The following STX8 variants were observed in gnomAD, a reference collection of about 807,000 sequenced individuals.
STX8 encodes the protein syntaxin-8.
STX8 carries 23 observed loss-of-function variants against 37.5 expected under a neutral mutation model. That is an observed-to-expected ratio of 0.61 (90% CI 0.44 to 0.87). The LOEUF (loss-of-function observed/expected upper bound fraction) is 0.87. Ranked by LOEUF, STX8 falls within the 40% of genes least tolerant of loss-of-function variation. The probability of loss-of-function intolerance (pLI) is 0.00; values close to 1 mark genes in which losing one functional copy is unlikely to be tolerated. For synonymous variants in STX8, 115 were observed against 99.1 expected, an observed-to-expected ratio of 1.16 and a Z score of -0.95; for missense variants, 313 against 284.7, an observed-to-expected ratio of 1.10 and a Z score of -0.71.
intron 6 of STX8, among the ~76,000 whole-genome samples, chr17:9,430,798 C>T (rs375105704): frequency 5.3e-5 from 8 of 151,960 alleles, no homozygotes; most frequent in Non-Finnish European, 1.2e-4. Context: ...TACAGGCGAC[C>T]GCCACCATGC....
chr17:9,375,331 A>G (rs555396719), intron 7 of STX8, among the ~76,000 whole-genome samples: 2 of 152,204 alleles, frequency 1.3e-5, no homozygotes, highest in Non-Finnish European at 2.9e-5. Context: ...AGTCCAGCTC[A>G]GAAGACATTA....
chr17:9,492,013 T>A, intron 5 of STX8, 92 bp from the exon 6 acceptor site: 1 of 821,508 alleles, frequency 1.2e-6, no homozygotes, highest in Non-Finnish European at 1.8e-6. Flanking sequence ...CAAGTTGACA[T>A]ATAAATCAGT....
At position 9,507,038 on chromosome 17, in the gene STX8, A is replaced by T; in HGVS notation, c.324-1876T>A. 6.6e-6 allele frequency among the ~76,000 whole-genome samples: 1 copy of T among 151,918 alleles called. No homozygotes were observed. Among genetic ancestry groups the T allele is most frequent in the Admixed American group, 6.6e-5 (1 of 15,254 alleles). On this transcript the variant is annotated intron_variant, in intron 4 of 7. Transcript: ENST00000306357. This position sits in a 1 kb window ranked among gnomAD's most constrained non-coding sequence, Gnocchi z 4.0. ...CACCCTCTGCACTTTCAGCCACAGA[A>T]ACAGTCCCACCCAGGGCAAACCCAC... is the stretch of plus-strand genomic sequence containing the variant.
At chr17:9,527,654 G>A (rs1905631460) in intron 4 of STX8, among the ~76,000 whole-genome samples, 1 of 151,920 alleles carries the variant, frequency 6.6e-6, no homozygotes, top group African/African-American at 2.4e-5. Context: ...AGTAGTTAAG[G>A]GCTGCAATTC....
chr17:9,505,319 G>C (rs1904783613), intron 4 of STX8, among the ~76,000 whole-genome samples, 157 bp from the exon 5 acceptor site: 1 of 152,188 alleles, frequency 6.6e-6, no homozygotes, highest in Non-Finnish European at 1.5e-5. Context: ...ACTGTATTCA[G>C]TGCTGGACGA....
chr17:9,371,411 T>A (rs1911396810), intron 7 of STX8, among the ~76,000 whole-genome samples: 1 of 152,188 alleles, frequency 6.6e-6, no homozygotes, highest in South Asian at 2.1e-4. Context: ...ATAGTTAAAG[T>A]ACACCTTGCT....
chr17:9,388,931 T>C (rs1039607565), intron 6 of STX8, among the ~76,000 whole-genome samples: 1 of 152,230 alleles, frequency 6.6e-6, no homozygotes, highest in Non-Finnish European at 1.5e-5. Context: ...TAATTTCTCA[T>C]GGTTACAAAA....
intron 7 of STX8, among the ~76,000 whole-genome samples, chr17:9,356,959 A>ATTTTTTTTTTTTTTTT (rs1468764432): frequency 1.3e-5 from 1 of 77,458 alleles, no homozygotes; most frequent in African/African-American, 4.5e-5. Flanking sequence ...TCCTTTTAAC[A>ATTTTTTTTTTTTTTTT]GTTTTTTTTT....
At chr17:9,425,866 A>T (rs1280601104) in intron 6 of STX8, among the ~76,000 whole-genome samples, 1 of 152,154 alleles carries the variant, frequency 6.6e-6, no homozygotes, top group Non-Finnish European at 1.5e-5. Flanking sequence ...CTCAGTACAC[A>T]CATCTAAAGG....
chr17:9,272,605 C>T (rs1052985146), intron 7 of STX8, among the ~76,000 whole-genome samples: 4 of 152,258 alleles, frequency 2.6e-5, no homozygotes, highest in Non-Finnish European at 5.9e-5. Context: ...AGCTAGCGCG[C>T]CAGCGAGCTA....
At chr17:9,357,091 C>T (rs1201193523) in intron 7 of STX8, among the ~76,000 whole-genome samples, 1 of 150,906 alleles carries the variant, frequency 6.6e-6, no homozygotes, top group African/African-American at 2.4e-5. Flanking sequence ...CCTCAGCCTC[C>T]TGAGTAGCTG....
intron 7 of STX8, among the ~76,000 whole-genome samples, chr17:9,375,208 G>A (rs1357734783): frequency 6.6e-6 from 1 of 151,638 alleles, no homozygotes; most frequent in African/African-American, 2.4e-5. Context: ...ATAAAATGAG[G>A]CATGAGATAA....
chr17:9,441,777 A>G (rs971116446), intron 6 of STX8, among the ~76,000 whole-genome samples: 25 of 144,532 alleles, frequency 1.7e-4, no homozygotes, highest in African/African-American at 6.4e-4. Flanking sequence ...CCGGGTTCAC[A>G]CCATTCTCCT....
intron 7 of STX8, among the ~76,000 whole-genome samples, chr17:9,339,673 A>G (rs1052605423): frequency 5.3e-5 from 8 of 150,990 alleles, no homozygotes; most frequent in African/African-American, 1.5e-4. Flanking sequence ...AAAAAAAAGG[A>G]CTCCTCATTC....
intron 6 of STX8, among the ~76,000 whole-genome samples, chr17:9,419,388 G>T (rs1286172618): frequency 6.6e-6 from 1 of 152,140 alleles, no homozygotes; most frequent in African/African-American, 2.4e-5. Context: ...CTTTGATTTA[G>T]AATTAATGGT....
At chr17:9,490,807 G>T (rs866906806) in intron 6 of STX8, among the ~76,000 whole-genome samples, 2 of 152,190 alleles carry the variant, frequency 1.3e-5, no homozygotes, top group African/African-American at 4.8e-5. Context: ...AGTCACGTTA[G>T]AATCAGAAGA....
intron 6 of STX8, among the ~76,000 whole-genome samples, chr17:9,473,108 T>A (rs1905948068): frequency 6.6e-6 from 1 of 151,530 alleles, no homozygotes; most frequent in South Asian, 2.1e-4. Context: ...GGTGGCACAA[T>A]CTCAGCTCAC....
At chr17:9,251,363 A>G (rs937732981) in intron 7 of STX8, among the ~76,000 whole-genome samples, 5 of 152,212 alleles carry the variant, frequency 3.3e-5, no homozygotes, top group East Asian at 1.9e-4. Flanking sequence ...ACTTAGTGCA[A>G]TGAGCTCACT....
intron 7 of STX8, among the ~76,000 whole-genome samples, chr17:9,343,740 C>T (rs1910446617): frequency 6.6e-6 from 1 of 151,696 alleles, no homozygotes; most frequent in African/African-American, 2.4e-5. Context: ...ACTCAGCCAA[C>T]CCCACCCCCT....
Sources: allele counts gnomAD v4.1 joint callset (sites outside exome capture counted in the v4.1 genomes callset), GRCh38; gene constraint gnomAD v4.1.1; non-coding constraint Gnocchi (gnomAD v3.1); transcripts MANE v1.5; gene names NCBI Gene and HGNC (gene_info 2026-07-23, HGNC 2026-07-21).